AGMO: variants seen among roughly 807,000 people sequenced by gnomAD.
The protein encoded by AGMO is glyceryl-ether monooxygenase.
Under a neutral mutation model 60.2 loss-of-function variants are expected in AGMO, and 75 were observed. The ratio of observed to expected loss-of-function variants is 1.25; its 90% CI spans 1.03 to 1.51. The LOEUF (loss-of-function observed/expected upper bound fraction) is 1.51, where lower values mean the gene tolerates loss of function less well. Among genes scored for constraint, AGMO ranks in the 40% most tolerant of loss-of-function variants. The pLI, the probability that AGMO is intolerant of heterozygous loss-of-function variation, is 0.00. For synonymous variants in AGMO, 261 were observed against 177.1 expected (o/e 1.47, Z -3.76); for missense variants, 763 against 525.5 (o/e 1.45, Z -4.42).
chr7:15,363,703 C>T (rs1014178339), intron 12 of AGMO, among the ~76,000 whole-genome samples: 14 of 152,128 alleles, frequency 9.2e-5, no homozygotes, highest in African/African-American at 2.7e-4. Flanking sequence ...ATCTCATCAT[C>T]AAAGAATACC....
intron 10 of AGMO, among the ~76,000 whole-genome samples, chr7:15,374,563 A>G (rs982601167): frequency 1.3e-5 from 2 of 151,998 alleles, no homozygotes; most frequent in Non-Finnish European, 1.5e-5. Flanking sequence ...ACCTGATAAG[A>G]TAGAGAACTT....
chr7:15,300,967 T>C (rs1784546461), intron 12 of AGMO, among the ~76,000 whole-genome samples: 1 of 152,150 alleles, frequency 6.6e-6, no homozygotes, highest in Non-Finnish European at 1.5e-5. Flanking sequence ...TATCTGTCTC[T>C]CTCTTAAATA....
chr7:15,142,773 G>T, the AGMO span, among the ~76,000 whole-genome samples: 76 of 152,090 alleles, frequency 5.0e-4, no homozygotes, highest in African/African-American at 1.3e-3. Context: ...CGAGATTGCC[G>T]ACAGAAAAGA....
the AGMO span, among the ~76,000 whole-genome samples, chr7:15,160,756 G>C: frequency 6.6e-6 from 1 of 152,070 alleles, no homozygotes; most frequent in African/African-American, 2.4e-5. Flanking sequence ...ATGGAACCCA[G>C]GTATTTGGTC....
chr7:15,338,550 A>T (rs2128547865), intron 12 of AGMO, among the ~76,000 whole-genome samples: 1 of 152,318 alleles, frequency 6.6e-6, no homozygotes, highest in African/African-American at 2.4e-5. Flanking sequence ...TCCCCAGTGC[A>T]GTCTCTGTTC....
In AGMO at chr7:15,365,563, C is replaced by A. The variant is rs181773805; in HGVS notation, c.1214G>T (p.Arg405Leu). The part of the protein sequence containing the change: ...LRCLMFLMLY[R>L]FGHLKPLVPS... ...GACAAGAGGCTTCAGGTGACCAAAT[C>A]GGTACAGCATTAAGAACATCAAGCA... Residue 405 changes from arginine (R) to leucine (L), a missense_variant, in exon 12 of 13, where the codon CGA becomes CTA. Transcript: ENST00000342526. 11 of 1,612,688 alleles carry A rather than the reference C, an allele frequency of 6.8e-6. No homozygotes were observed. In the East Asian group the frequency reaches 2.5e-4, roughly 36 times the overall value.
At chr7:15,401,451 TATTTC>T (rs927397290) in intron 5 of AGMO, among the ~76,000 whole-genome samples, 3 of 152,154 alleles carry the variant, frequency 2.0e-5, no homozygotes, top group African/African-American at 7.2e-5. Context: ...CAAAACAAAT[TATTTC>T]ATTTGTTTGA....
At position 15,367,242 on chromosome 7, in the gene AGMO, AATG is replaced by A. The variant is rs1425063630; in HGVS notation, c.1075-1023_1075-1021del. 6.8e-5 allele frequency among the ~76,000 whole-genome samples: 10 copies of A among 146,892 alleles called. No individual in the cohort carries two copies. The East Asian group carries it at 1.4e-3, about 21-fold the overall frequency. Reference sequence around the variant, plus strand: ...TTTTTATCCTAATGTACTGGAAATAAATGATAATTTTTTAAAAAAAATTATCTT... The same window carrying A: ...TTTTTATCCTAATGTACTGGAAATAAATAATTTTTTAAAAAAAATTATCTT... On this transcript the variant is annotated intron_variant, in intron 10 of 12. Transcript: ENST00000342526.
intron 12 of AGMO, among the ~76,000 whole-genome samples, chr7:15,337,694 G>A (rs1368390824): frequency 6.6e-6 from 1 of 152,178 alleles, no homozygotes; most frequent in Non-Finnish European, 1.5e-5. Context: ...TTCACGAAAT[G>A]CAAAGCAGCA....
intron 12 of AGMO, among the ~76,000 whole-genome samples, chr7:15,245,227 T>G (rs560186287): frequency 1.3e-5 from 2 of 152,288 alleles, no homozygotes; most frequent in Non-Finnish European, 2.9e-5. Flanking sequence ...AGATGTCCTC[T>G]GCACCAACTA....
the AGMO span, among the ~76,000 whole-genome samples, chr7:15,195,311 A>G: frequency 6.6e-6 from 1 of 152,284 alleles, no homozygotes; most frequent in African/African-American, 2.4e-5. Context: ...GAAAGAGAAA[A>G]GAGAATAGCT....
intron 3 of AGMO, among the ~76,000 whole-genome samples, chr7:15,455,289 A>G (rs1781972653): frequency 6.6e-6 from 1 of 152,050 alleles, no homozygotes; most frequent in East Asian, 1.9e-4. Context: ...CTTCTCTACA[A>G]TCTATCATTA....
At chr7:15,312,897 G>A (rs962637088) in intron 12 of AGMO, among the ~76,000 whole-genome samples, 6 of 151,940 alleles carry the variant, frequency 3.9e-5, no homozygotes, top group Non-Finnish European at 8.8e-5. Context: ...TCAAACTCCC[G>A]AACTCAAGCA....
At chr7:15,377,325 AAAGGGTTTCAAC>A (rs1245410013) in intron 10 of AGMO, among the ~76,000 whole-genome samples, 1 of 152,112 alleles carries the variant, frequency 6.6e-6, no homozygotes, top group East Asian at 1.9e-4. Context: ...TTCAGTTTGT[AAAGGGTTTCAAC>A]ACTTGATATT....
At position 15,367,934 on chromosome 7, in the gene AGMO, A is replaced by G. The variant is rs911873001; in HGVS notation, c.1075-1712T>C. ...GCATCTGTCCAAAGTTATACACAGTAAACAAAAGCCACCAGTCACAATTTT... is the reference window on the plus strand; with the variant it reads ...GCATCTGTCCAAAGTTATACACAGTGAACAAAAGCCACCAGTCACAATTTT... On this transcript the variant is annotated intron_variant, in intron 10 of 12. Coordinates refer to ENST00000342526, the MANE Select transcript of AGMO (RefSeq NM_001004320.2). Among the ~76,000 whole-genome samples the G allele has an allele frequency of 3.9e-5, 6 of 152,246 alleles. No individual in the cohort carries two copies. The South Asian group carries it at 1.2e-3, about 31-fold the overall frequency.
At chr7:15,439,720 T>C (rs963495143) in intron 3 of AGMO, among the ~76,000 whole-genome samples, 3 of 152,212 alleles carry the variant, frequency 2.0e-5, no homozygotes, top group Admixed American at 2.0e-4. Context: ...GTTAATTTTA[T>C]TATTGTGGAC....
rs575826054 is a variant in AGMO at position 15,454,675 on chromosome 7, C to T, written c.410-23567G>A. Among the ~76,000 whole-genome samples the T allele has an allele frequency of 5.9e-5, 9 of 151,948 alleles. No homozygotes were observed. In the South Asian group the frequency reaches 1.9e-3, roughly 32 times the overall value. On this transcript the variant is annotated intron_variant, in intron 3 of 12. Transcript: ENST00000342526. ...TTATCCTCAAACATTTTCAACAGTT[C>T]CATAATGTTCTCTTTTTAGTGTGCA...
intron 10 of AGMO, among the ~76,000 whole-genome samples, chr7:15,367,255 TA>T (rs35957600): frequency 0.2 from 29,701 of 151,568 alleles, 3,084 homozygotes; most frequent in African/African-American, 0.27. Context: ...GATAATTTTT[TA>T]AAAAAAATTA....
Position 15,531,656 on chromosome 7 carries a change from A to G in AGMO, c.409+13116T>C, listed in dbSNP as rs944047742. Among the ~76,000 whole-genome samples, 6 of 119,574 alleles carry G rather than the reference A, an allele frequency of 5.0e-5. No individual in the cohort carries two copies. In the South Asian group the frequency reaches 1.5e-3, roughly 30 times the overall value. 78.4% of individuals were successfully genotyped at this position (119,574 alleles called of 152,430 possible). On this transcript the variant is annotated intron_variant, in intron 3 of 12. Coordinates refer to ENST00000342526, the MANE Select transcript of AGMO (RefSeq NM_001004320.2). ...TTCTATATATATAGAAAATATAAAT[A>G]TATATATTTTTTTAGAGGGAGTCTC...
Sources: allele counts gnomAD v4.1 joint callset (sites outside exome capture counted in the v4.1 genomes callset), GRCh38; gene constraint gnomAD v4.1.1; transcripts MANE v1.5; gene names NCBI Gene and HGNC (gene_info 2026-07-23, HGNC 2026-07-21).